The following SLC17A6 variants were observed in gnomAD, a reference collection of about 807,000 sequenced individuals.
The protein encoded by SLC17A6 is vesicular glutamate transporter 2.
SLC17A6 carries 35 observed loss-of-function variants against 67.1 expected under a neutral mutation model. The ratio of observed to expected loss-of-function variants is 0.52; its 90% CI spans 0.40 to 0.69. The LOEUF is 0.69. Ranked by LOEUF, SLC17A6 falls within the 30% of genes least tolerant of loss-of-function variation. The pLI is 0.00. For synonymous variants in SLC17A6, 285 were observed against 252.3 expected (o/e 1.13, Z -1.23); for missense variants, 588 against 723.9 (o/e 0.81, Z 2.15).
At chr11:22,366,831 C>T (rs1044509933) in intron 7 of SLC17A6, among the ~76,000 whole-genome samples, 17 of 151,842 alleles carry the variant, frequency 1.1e-4, no homozygotes, top group Non-Finnish European at 1.8e-4. Flanking sequence ...ATGGGAAACC[C>T]CGTCTCTACT....
intron 3 of SLC17A6, among the ~76,000 whole-genome samples, chr11:22,355,264 C>A (rs371812276): frequency 2.0e-5 from 3 of 152,210 alleles, no homozygotes; most frequent in Admixed American, 2.0e-4. Flanking sequence ...CTAGTGATGT[C>A]GTTTTTAAAG....
chr11:22,360,123 A>AAG (rs1554944628), intron 4 of SLC17A6, among the ~76,000 whole-genome samples: 19 of 151,350 alleles, frequency 1.3e-4, no homozygotes, highest in Non-Finnish European at 2.5e-4. Context: ...AAAAAAAAAA[A>AAG]CCCTTTCTCA....
chr11:22,376,169 T>C, intron 10 of SLC17A6, 77 bp downstream of exon 10: 1 of 849,692 alleles, frequency 1.2e-6, no homozygotes, highest in Non-Finnish European at 1.9e-6. Flanking sequence ...ACATATACCT[T>C]TTTATAGATA....
intron 11 of SLC17A6, among the ~76,000 whole-genome samples, chr11:22,376,921 TA>T (rs1330556178): frequency 6.6e-6 from 1 of 152,194 alleles, no homozygotes; most frequent in African/African-American, 2.4e-5. Flanking sequence ...CCTGATGTGA[TA>T]AAAACCCCTT....
At chr11:22,338,735 T>G in intron 1 of SLC17A6, 116 bp downstream of exon 1, 1 of 748,596 alleles carries the variant, frequency 1.3e-6, no homozygotes, top group East Asian at 2.7e-5. Context: ...AGTCTTTTTG[T>G]TGCCCATTGC....
rs755372569 is a variant in SLC17A6, at chr11:22,352,082, C to T, written c.459-7331C>T. ...GGTTCTTTAAGAGGACACCTTATCG[C>T]CTCTGAAGCATTATTTCCTAATTTA... On this transcript the variant is annotated intron_variant, in intron 3 of 11. Coordinates refer to ENST00000263160, the MANE Select transcript of SLC17A6 (RefSeq NM_020346.3). Among the ~76,000 whole-genome samples the T allele has an allele frequency of 3.5e-5, 5 of 144,866 alleles. No individual in the cohort carries two copies. The South Asian group carries it at 1.0e-3, about 29-fold the overall frequency.
At chr11:22,359,603 T>C in intron 4 of SLC17A6, 76 bp downstream of exon 4, 1 of 801,056 alleles carries the variant, frequency 1.2e-6, no homozygotes, top group Non-Finnish European at 1.9e-6. Flanking sequence ...TGTCTTTATC[T>C]GTAAATAAAT....
chr11:22,376,085 T>C lies in SLC17A6; in HGVS notation c.1278T>C (p.Ala426=), dbSNP rs1466236062. ...TTGCAGTGGGATTCAGTGGATTTGC[T>C]ATATCTGGTAAGATATAATTTTTTT... ...LVLAVGFSGF[A]ISGFNVNHLD... The change falls in exon 10 of 12, where the codon GCT becomes GCC. Residue 426 remains alanine, a synonymous_variant. Transcript: ENST00000263160. 1 of 1,608,184 alleles carries C rather than the reference T, an allele frequency of 6.2e-7. No homozygotes were observed. The highest frequency in any genetic ancestry group is 1.3e-5 in the African/African-American group (1 of 74,766).
chr11:22,361,663 G>T (rs1311632574), intron 5 of SLC17A6, among the ~76,000 whole-genome samples: 5 of 152,096 alleles, frequency 3.3e-5, no homozygotes, highest in African/African-American at 1.2e-4. Context: ...ATGTATTAAA[G>T]CTTCAATCCC....
chr11:22,366,398 T>C (rs1409906292), intron 7 of SLC17A6, among the ~76,000 whole-genome samples: 1 of 152,208 alleles, frequency 6.6e-6, no homozygotes, highest in Non-Finnish European at 1.5e-5. Flanking sequence ...TTATGTCATA[T>C]GTAGTTTAGG....
chr11:22,359,055 C>G (rs1856020241), intron 3 of SLC17A6, among the ~76,000 whole-genome samples: 1 of 152,158 alleles, frequency 6.6e-6, no homozygotes, highest in South Asian at 2.1e-4. Context: ...ATGTGAAAAA[C>G]AAGCTCTTAC....
chr11:22,375,100 C>T (rs1241949922), intron 9 of SLC17A6, among the ~76,000 whole-genome samples: 1 of 152,042 alleles, frequency 6.6e-6, no homozygotes, highest in South Asian at 2.1e-4. Flanking sequence ...TGGCCAGGCA[C>T]GGTGGCTCAT....
rs367620576 is a variant in SLC17A6 at position 22,365,512 on chromosome 11, G to C, written c.749-35G>C. On this transcript the variant is annotated intron_variant, in intron 6 of 11. Coordinates refer to ENST00000263160, the MANE Select transcript of SLC17A6 (RefSeq NM_020346.3). ...TATTGCAGCACATCACTGTTAAATG[G>C]AAGTGACTTTCTCCTTCTGAACTGT... is the stretch of plus-strand genomic sequence containing the variant. 26 of 1,612,116 alleles carry C rather than the reference G, an allele frequency of 1.6e-5. No individual in the cohort carries two copies. The African/African-American group carries it at 3.1e-4, about 19-fold the overall frequency.
chr11:22,368,422 T>G (rs1414423669), intron 7 of SLC17A6, among the ~76,000 whole-genome samples: 4 of 152,074 alleles, frequency 2.6e-5, no homozygotes, highest in Non-Finnish European at 2.9e-5. Context: ...ACAATCAGCT[T>G]GCTTAATTTT....
intron 11 of SLC17A6, 119 bp from the exon 12 acceptor site, chr11:22,377,286 A>T (rs1019800203): frequency 1.2e-5 from 10 of 808,584 alleles, no homozygotes; most frequent in Non-Finnish European, 1.9e-5. Flanking sequence ...TAATCAGGAT[A>T]TGGATTTTTC....
Position 22,377,431 on chromosome 11 carries a change from C to T in SLC17A6, c.1440C>T (p.Phe480=), listed in dbSNP as rs748726235. ...NKSREEWQYV[F]LIAALVHYGG... ...CACGTGAAGAGTGGCAGTATGTCTT[C>T]CTGATCGCTGCCCTAGTCCACTATG... Residue 480 remains phenylalanine (F), a synonymous_variant, in exon 12 of 12, where the codon TTC becomes TTT. Transcript: ENST00000263160. 3.7e-6 allele frequency: 6 copies of T among 1,611,308 alleles called. No individual in the cohort carries two copies. The highest frequency in any genetic ancestry group is 4.2e-6 in the Non-Finnish European group (5 of 1,177,808).
chr11:22,341,446 G>A (rs1344075392), intron 1 of SLC17A6, 82 bp from the exon 2 acceptor site: 1 of 1,544,868 alleles, frequency 6.5e-7, no homozygotes, highest in Non-Finnish European at 8.7e-7. Flanking sequence ...CAACCCCGAC[G>A]GGTCCTGAAA....
chr11:22,374,705 C>T, intron 8 of SLC17A6, 50 bp from the exon 9 acceptor site: 1 of 1,450,662 alleles, frequency 6.9e-7, no homozygotes, highest in Non-Finnish European at 9.2e-7. Context: ...TTAAATTGCC[C>T]ATATTATTTA....
At position 22,343,349 on chromosome 11, in the gene SLC17A6, C is replaced by T. The variant is rs770420321; in HGVS notation, c.442C>T (p.Arg148Trp). 2.5e-6 allele frequency: 4 copies of T among 1,611,004 alleles called. No individual in the cohort carries two copies. The South Asian group carries it at 4.4e-5, about 18-fold the overall frequency. ...TQIPGGYIAS[R>W]LAANRVFGAA... ...GATTCCGGGAGGCTACATCGCGTCT[C>T]GGCTGGCAGCCAACAGGTAATGCGC... Residue 148 changes from arginine (R) to tryptophan (W), a missense_variant, in exon 3 of 12, where the codon CGG becomes TGG. Physicochemically the swap from Arg to Trp is moderately radical, Grantham distance 101. Transcript: ENST00000263160.
Sources: allele counts gnomAD v4.1 joint callset (sites outside exome capture counted in the v4.1 genomes callset), GRCh38; gene constraint gnomAD v4.1.1; transcripts MANE v1.5; gene names NCBI Gene and HGNC (gene_info 2026-07-23, HGNC 2026-07-21).